Variants in IGSF9B observed in about 807,000 individuals in gnomAD.
IGSF9B encodes the protein protein turtle homolog B.
Under a neutral mutation model 143.7 loss-of-function variants are expected in IGSF9B, and 48 were observed. That is an observed-to-expected ratio of 0.33 (90% CI 0.26 to 0.42). The LOEUF is 0.42. Ranked by LOEUF, IGSF9B falls within the 20% of genes least tolerant of loss-of-function variation. The probability of loss-of-function intolerance (pLI) is 1.00; values close to 1 mark genes in which losing one functional copy is unlikely to be tolerated. For missense variants in IGSF9B, 1,706 were observed against 1,980.0 expected (o/e 0.86, Z 2.63); for synonymous variants, 903 against 833.1 (o/e 1.08, Z -1.44).
intron 1 of IGSF9B, among the ~76,000 whole-genome samples, chr11:133,947,784 GTGTC>G (rs938548320): frequency 2.7e-5 from 4 of 149,224 alleles, no homozygotes; most frequent in Non-Finnish European, 5.9e-5. Flanking sequence ...GTTCCTCTGT[GTGTC>G]TGTCTGTCTG....
Position 133,953,478 on chromosome 11 carries a change from G to A in IGSF9B, c.64+3213C>T, listed in dbSNP as rs140985535. Among the ~76,000 whole-genome samples, 23 of 152,268 alleles carry A rather than the reference G, an allele frequency of 1.5e-4. No homozygotes were observed. Among genetic ancestry groups the A allele is most frequent in the Non-Finnish European group, 2.4e-4 (16 of 68,028 alleles). On this transcript the variant is annotated intron_variant, in intron 1 of 19. Transcript: ENST00000533871. This position sits in a 1 kb window ranked among gnomAD's most constrained non-coding sequence, Gnocchi z 4.2. ...TTCCTGAGTGAAGTCCTTCTCAGCC[G>A]ATAGGCTCACCACGGGGTCTTGATA...
At position 133,931,327 on chromosome 11, in the gene IGSF9B, G is replaced by C; in HGVS notation, c.1368+126C>G. The C allele has an allele frequency of 2.4e-6, 2 of 848,684 alleles. No homozygotes were observed. Among genetic ancestry groups the C allele is most frequent in the Non-Finnish European group, 1.8e-6 (1 of 540,904 alleles). The allele number at this position is 848,684 out of a possible 1,614,324, so 52.6% of individuals were successfully genotyped here. A position where few individuals can be genotyped will look rare whatever the true frequency, so the allele number is the denominator to read the frequency against. On this transcript the variant is annotated intron_variant, in intron 10 of 19. Coordinates refer to ENST00000533871, the MANE Select transcript of IGSF9B (RefSeq NM_001277285.4). This position sits in a 1 kb window ranked among gnomAD's most constrained non-coding sequence, Gnocchi z 7.7. ...GTCAGGGCAGGTCCAGAATAGAACT[G>C]CTCGCTGGGCCCTCACACCTCCCCT... is the stretch of plus-strand genomic sequence containing the variant.
In IGSF9B at chr11:133,924,593, T is replaced by C. The variant is rs2062368; in HGVS notation, c.2119+227A>G. 0.46 allele frequency among the ~76,000 whole-genome samples: 69,725 copies of C among 152,040 alleles called. 16,242 individuals are homozygous for C. Among genetic ancestry groups the C allele is most frequent in the East Asian group, 0.61 (3,169 of 5,160 alleles). On this transcript the variant is annotated intron_variant, in intron 15 of 19. Transcript: ENST00000533871. ...TGAATTTCTTTCTGTGGCTGTCTTA[T>C]ACAAGTGTCAGAAACTCAGCTTCTG...
chr11:133,916,027 C>G (rs1252040240), intron 18 of IGSF9B, among the ~76,000 whole-genome samples: 1 of 152,142 alleles, frequency 6.6e-6, no homozygotes, highest in Non-Finnish European at 1.5e-5. Context: ...AGCTTGTTTA[C>G]AAAGGGGCCC....
At position 133,906,363 on chromosome 11, in the gene IGSF9B, G is replaced by A. The variant is rs1591705160; in HGVS notation, c.*2706C>T. On this transcript the variant is annotated 3_prime_UTR_variant, in exon 20 of 20. Transcript: ENST00000533871. ...GTCCACGGGCTGCAGGAGGGCTGCT[G>A]GCCTCCGAGGACACTGTCACAGGAG... is the stretch of plus-strand genomic sequence containing the variant. Among the ~76,000 whole-genome samples the A allele has an allele frequency of 6.6e-6, 1 of 152,278 alleles. No individual in the cohort carries two copies. Among genetic ancestry groups the A allele is most frequent in the African/African-American group, 2.4e-5 (1 of 41,522 alleles).
chr11:133,925,451 C>T (rs373151281), intron 14 of IGSF9B, among the ~76,000 whole-genome samples: 5 of 152,348 alleles, frequency 3.3e-5, no homozygotes, highest in African/African-American at 4.8e-5. Flanking sequence ...GCTCTGATTA[C>T]GCCTGCTGGC....
chr11:133,941,278 T>C (rs1402222915), intron 3 of IGSF9B, among the ~76,000 whole-genome samples: 1 of 152,186 alleles, frequency 6.6e-6, no homozygotes, highest in Non-Finnish European at 1.5e-5. Context: ...CTCCATGTAA[T>C]TCACCAACCT....
intron 7 of IGSF9B, among the ~76,000 whole-genome samples, chr11:133,934,540 A>G (rs1261322552): frequency 3.3e-5 from 5 of 152,342 alleles, no homozygotes; most frequent in South Asian, 2.1e-4. Context: ...CAGCACATCA[A>G]AAGTCCTTTA....
At chr11:133,939,993 C>A (rs954944885) in intron 3 of IGSF9B, among the ~76,000 whole-genome samples, 1 of 147,914 alleles carries the variant, frequency 6.8e-6, no homozygotes, top group East Asian at 2.1e-4. Context: ...GAAACATACA[C>A]CTTGCACGTC....
In IGSF9B at chr11:133,907,622, T is replaced by A. The variant is rs1028267201; in HGVS notation, c.*1447A>T. Reference sequence around the variant, plus strand: ...CATATCTTACCGGCAGAGAGACATCTTAGTGGGAAGATGATCTCAGGAAGC... The same window carrying A: ...CATATCTTACCGGCAGAGAGACATCATAGTGGGAAGATGATCTCAGGAAGC... On this transcript the variant is annotated 3_prime_UTR_variant, in exon 20 of 20. Transcript: ENST00000533871. Among the ~76,000 whole-genome samples the A allele has an allele frequency of 2.6e-5, 4 of 152,176 alleles. No homozygotes were observed. Among genetic ancestry groups the A allele is most frequent in the Non-Finnish European group, 5.9e-5 (4 of 68,018 alleles).
At chr11:133,938,086 G>C in intron 3 of IGSF9B, 125 bp from the exon 4 acceptor site, 1 of 1,095,538 alleles carries the variant, frequency 9.1e-7, no homozygotes, top group South Asian at 1.7e-5. Flanking sequence ...AAGGAAGGAA[G>C]GTGGGGATGG....
chr11:133,941,292 G>A (rs1939952600), intron 3 of IGSF9B, among the ~76,000 whole-genome samples: 1 of 152,164 alleles, frequency 6.6e-6, no homozygotes, highest in South Asian at 2.1e-4. Flanking sequence ...CCAACCTAAA[G>A]GAAGGCTTGG....
rs1450343541 is a variant in IGSF9B, at chr11:133,953,517, C to A, written c.64+3174G>T. On this transcript the variant is annotated intron_variant, in intron 1 of 19. Coordinates refer to ENST00000533871, the MANE Select transcript of IGSF9B (RefSeq NM_001277285.4). The surrounding 1 kb of genome is among the most constrained non-coding windows in gnomAD (Gnocchi z 4.2). ...GGGGTCTTGATAGCAACCTCTGAGT[C>A]CAAACCTCCACCCTCCCATCTTCAT... Among the ~76,000 whole-genome samples, 1 of 152,198 alleles carries A rather than the reference C, an allele frequency of 6.6e-6. No individual in the cohort carries two copies. Among genetic ancestry groups the A allele is most frequent in the African/African-American group, 2.4e-5 (1 of 41,448 alleles).
chr11:133,920,358 C>T lies in IGSF9B; in HGVS notation c.3367G>A (p.Asp1123Asn), dbSNP rs755636781. The T allele has an allele frequency of 4.2e-5, 68 of 1,605,134 alleles. No homozygotes were observed. The highest frequency in any genetic ancestry group is 5.4e-5 in the Non-Finnish European group (64 of 1,176,196). Residue 1123 changes from aspartate to asparagine, a missense_variant, in exon 18 of 20, where the codon GAC (aspartate) becomes AAC (asparagine). This residue lies in a region of IGSF9B where 880 missense variants were observed against 762.9 expected (regional missense o/e 1.15). Coordinates refer to ENST00000533871, the MANE Select transcript of IGSF9B (RefSeq NM_001277285.4). ...CTTACCAGAGGTTGCATAGGTCTGTCCTGCCACTTGGCGGCGGGGGGCGCT... is the reference window on the plus strand; with the variant it reads ...CTTACCAGAGGTTGCATAGGTCTGTTCTGCCACTTGGCGGCGGGGGGCGCT... ...VPAPPAAKWQ[D>N]RPMQPLVSQG...
chr11:133,923,802 T>C (rs1591713797), intron 15 of IGSF9B, among the ~76,000 whole-genome samples: 1 of 152,240 alleles, frequency 6.6e-6, no homozygotes, highest in South Asian at 2.1e-4. Flanking sequence ...GGAGCTGGCA[T>C]AGAGCTACTG....
intron 18 of IGSF9B, chr11:133,919,122 G>GGA (rs1555086501): frequency 2.7e-6 from 1 of 371,178 alleles, no homozygotes; most frequent in South Asian, 1.8e-5. Context: ...GGTATACGGG[G>GGA]GGGGGGTGGG....
At position 133,945,275 on chromosome 11, in the gene IGSF9B, C is replaced by G. The variant is rs1940025294; in HGVS notation, c.262+786G>C. ...GCAATCTGCCTAAAAACTAGACTCT[C>G]AAAGCCAACCCTGGCCAAAAAGAGA... On this transcript the variant is annotated intron_variant, in intron 2 of 19. Transcript: ENST00000533871. The surrounding 1 kb of genome is among the most constrained non-coding windows in gnomAD (Gnocchi z 4.6). 6.6e-6 allele frequency among the ~76,000 whole-genome samples: 1 copy of G among 152,206 alleles called. No individual in the cohort carries two copies.
chr11:133,924,076 T>C (rs1053356393), intron 15 of IGSF9B, among the ~76,000 whole-genome samples: 11 of 152,168 alleles, frequency 7.2e-5, no homozygotes, highest in Non-Finnish European at 1.0e-4. Context: ...CTTCCCCAAC[T>C]CTACAAGTCC....
At chr11:133,934,718 C>G (rs1016045900) in intron 7 of IGSF9B, among the ~76,000 whole-genome samples, 1 of 152,204 alleles carries the variant, frequency 6.6e-6, no homozygotes, top group African/African-American at 2.4e-5. Context: ...CCAGCTCCAC[C>G]TCCAGGGCCA....
Sources: gnomAD v4.1 joint callset for allele counts (sites outside exome capture counted in the v4.1 genomes callset) on GRCh38, gnomAD v4.1.1 for gene constraint, gnomAD v4.1.1 regional missense constraint, Gnocchi (gnomAD v3.1) non-coding constraint, MANE v1.5 for transcripts, NCBI Gene and HGNC (gene_info 2026-07-23, HGNC 2026-07-21) for gene names.